The following GRK3 variants were observed in gnomAD, a reference collection of about 807,000 sequenced individuals.
GRK3 encodes G protein-coupled receptor kinase 3, also known as adrenergic, beta, receptor kinase 2.
Under a neutral mutation model 95.7 loss-of-function variants are expected in GRK3, and 54 were observed. That is an observed-to-expected ratio of 0.56 (90% CI 0.45 to 0.71). The LOEUF (loss-of-function observed/expected upper bound fraction) is 0.71. Ranked by LOEUF, GRK3 falls within the 30% of genes least tolerant of loss-of-function variation. The pLI, the probability that GRK3 is intolerant of heterozygous loss-of-function variation, is 0.00. For missense variants in GRK3, 649 were observed against 851.2 expected (o/e 0.76, Z 2.96); for synonymous variants, 281 against 290.8 (o/e 0.97, Z 0.34).
chr22:25,575,256 C>T (rs969449096), intron 1 of GRK3, among the ~76,000 whole-genome samples: 2 of 152,106 alleles, frequency 1.3e-5, no homozygotes, highest in South Asian at 2.1e-4. Flanking sequence ...TTTGGAAACT[C>T]CTTCTTTTGA....
At chr22:25,629,984 A>T in intron 2 of GRK3, among the ~76,000 whole-genome samples, 1 of 151,864 alleles carries the variant, frequency 6.6e-6, no homozygotes, top group East Asian at 1.9e-4. Flanking sequence ...GTACAATTGC[A>T]TTGAAGACCC....
chr22:25,672,410 G>T, intron 7 of GRK3, 63 bp downstream of exon 7: 1 of 864,554 alleles, frequency 1.2e-6, no homozygotes, highest in South Asian at 1.5e-5. Context: ...TTAACCTCAT[G>T]AGAAAATACT....
chr22:25,727,905 A>C lies in GRK3; in HGVS notation c.*5455A>C, dbSNP rs574113067. The C allele has an allele frequency of 2.6e-5, 4 of 152,184 alleles. No homozygotes were observed. The South Asian group carries it at 8.3e-4, about 32-fold the overall frequency. 9.4% of individuals were successfully genotyped at this position (152,184 alleles called of 1,614,324 possible). A position where few individuals can be genotyped will look rare whatever the true frequency, so the allele number is the denominator to read the frequency against. On this transcript the variant is annotated 3_prime_UTR_variant, in exon 21 of 21. Transcript: ENST00000324198. ...CAACACTGGCCATTTTTTTAGTTTT[A>C]TTGTTAAATGGTATTTTTCTATGTT...
At chr22:25,711,599 T>A (rs12159032) in intron 17 of GRK3, among the ~76,000 whole-genome samples, 61 of 152,254 alleles carry the variant, frequency 4.0e-4, no homozygotes, top group African/African-American at 1.4e-3. Flanking sequence ...TAATCACTGT[T>A]TTTTTTAATA....
chr22:25,704,078 A>G, intron 14 of GRK3, 31 bp from the exon 15 acceptor site: 1 of 1,553,206 alleles, frequency 6.4e-7, no homozygotes, highest in African/African-American at 1.4e-5. Flanking sequence ...TCATGAACGG[A>G]TTTTTGAAAT....
chr22:25,676,955 G>T (rs947467461), intron 8 of GRK3, among the ~76,000 whole-genome samples: 2 of 152,132 alleles, frequency 1.3e-5, no homozygotes, highest in Non-Finnish European at 2.9e-5. Context: ...TGCACCCCTA[G>T]GAGCCTGTTA....
At chr22:25,659,078 T>G (rs1309383711) in intron 3 of GRK3, among the ~76,000 whole-genome samples, 1 of 152,064 alleles carries the variant, frequency 6.6e-6, no homozygotes, top group Non-Finnish European at 1.5e-5. Flanking sequence ...TAGCTTTACC[T>G]AGGGAGAACT....
intron 7 of GRK3, among the ~76,000 whole-genome samples, chr22:25,672,637 T>C (rs1168326726): frequency 1.3e-5 from 2 of 152,230 alleles, no homozygotes; most frequent in East Asian, 1.9e-4. Flanking sequence ...AATCTTTTAC[T>C]TAATATAACT....
intron 2 of GRK3, among the ~76,000 whole-genome samples, chr22:25,617,100 A>G (rs1231955329): frequency 6.6e-6 from 1 of 152,218 alleles, no homozygotes; most frequent in East Asian, 1.9e-4. Flanking sequence ...GGAGCACAAA[A>G]AGAGAAACTA....
At chr22:25,708,228 C>CA (rs991528555) in intron 15 of GRK3, among the ~76,000 whole-genome samples, 5 of 150,458 alleles carry the variant, frequency 3.3e-5, no homozygotes, top group Admixed American at 1.3e-4. Flanking sequence ...GCCTGGGTGA[C>CA]AAAAAAAAAG....
chr22:25,582,967 G>C (rs1447134576), intron 1 of GRK3, among the ~76,000 whole-genome samples: 8 of 152,206 alleles, frequency 5.3e-5, no homozygotes, highest in Admixed American at 3.9e-4. Flanking sequence ...ATGTGACAGA[G>C]ATCTCAGAAT....
At chr22:25,608,243 G>A (rs928042047) in intron 2 of GRK3, among the ~76,000 whole-genome samples, 6 of 152,188 alleles carry the variant, frequency 3.9e-5, no homozygotes, top group Non-Finnish European at 7.3e-5. Flanking sequence ...AACAAAGAAT[G>A]AAGTTTATTA....
intron 1 of GRK3, among the ~76,000 whole-genome samples, chr22:25,565,717 TATTA>T (rs1387901599): frequency 6.6e-6 from 1 of 152,226 alleles, no homozygotes; most frequent in African/African-American, 2.4e-5. Flanking sequence ...TCTTGAAGTC[TATTA>T]AGTCTAGTCA....
At chr22:25,654,268 GTGATATA>G (rs2084854776) in intron 3 of GRK3, among the ~76,000 whole-genome samples, 1 of 152,234 alleles carries the variant, frequency 6.6e-6, no homozygotes, top group African/African-American at 2.4e-5. Context: ...TATTATTAGT[GTGATATA>G]TCTTTATCCT....
intron 1 of GRK3, among the ~76,000 whole-genome samples, chr22:25,602,947 C>CA (rs2084418785): frequency 6.6e-6 from 1 of 152,194 alleles, no homozygotes; most frequent in African/African-American, 2.4e-5. Flanking sequence ...GACAGAGTCT[C>CA]ATTCTGTCCC....
intron 1 of GRK3, among the ~76,000 whole-genome samples, chr22:25,578,633 G>A (rs1334006151): frequency 1.3e-5 from 2 of 152,118 alleles, no homozygotes; most frequent in South Asian, 2.1e-4. Context: ...GTGTCAGAGC[G>A]ATGCAACATG....
intron 2 of GRK3, among the ~76,000 whole-genome samples, chr22:25,614,514 A>AT (rs1205998454): frequency 6.6e-6 from 1 of 152,170 alleles, no homozygotes; most frequent in Non-Finnish European, 1.5e-5. Flanking sequence ...TTAGTCCATA[A>AT]TTGGATTTAC....
chr22:25,688,300 T>TAA (rs1235547809), intron 11 of GRK3, among the ~76,000 whole-genome samples: 5 of 151,596 alleles, frequency 3.3e-5, no homozygotes, highest in Non-Finnish European at 5.9e-5. Context: ...CATAGTTAAT[T>TAA]ATAATTCAGC....
At chr22:25,584,565 A>G (rs1932225994) in intron 1 of GRK3, among the ~76,000 whole-genome samples, 1 of 152,296 alleles carries the variant, frequency 6.6e-6, no homozygotes, top group Admixed American at 6.5e-5. Flanking sequence ...AGAACAGAAT[A>G]AATCATATGC....
Sources: allele counts gnomAD v4.1 joint callset (sites outside exome capture counted in the v4.1 genomes callset), GRCh38; gene constraint gnomAD v4.1.1; transcripts MANE v1.5; gene names NCBI Gene and HGNC (gene_info 2026-07-23, HGNC 2026-07-21).